Variants in ASTN2 observed in about 807,000 individuals in gnomAD.
ASTN2 encodes the protein astrotactin 2.
In ASTN2, 54 loss-of-function variants were observed where a neutral mutation model predicts 139.8. The ratio of observed to expected loss-of-function variants is 0.39; its 90% CI spans 0.31 to 0.48. ASTN2 has a LOEUF of 0.48. Ranked by LOEUF, ASTN2 falls within the 20% of genes least tolerant of loss-of-function variation. ASTN2 has a pLI of 0.95. For missense variants in ASTN2, 1,565 were observed against 1,725.1 expected (o/e 0.91, Z 1.64); for synonymous variants, 756 against 719.5 (o/e 1.05, Z -0.81).
intron 13 of ASTN2, among the ~76,000 whole-genome samples, chr9:116,742,771 T>C (rs531742918): frequency 4.6e-4 from 34 of 73,184 alleles, no homozygotes; most frequent in African/African-American, 8.4e-4. Context: ...AATTGTTATA[T>C]GTCAATTAAA....
intron 2 of ASTN2, among the ~76,000 whole-genome samples, chr9:117,225,556 T>TAC: frequency 9.7e-6 from 1 of 102,820 alleles, no homozygotes; most frequent in South Asian, 3.1e-4. Flanking sequence ...TATATATATA[T>TAC]ATATATATAT....
At chr9:116,916,847 A>C (rs929668665) in intron 10 of ASTN2, among the ~76,000 whole-genome samples, 3 of 152,064 alleles carry the variant, frequency 2.0e-5, no homozygotes, top group Non-Finnish European at 4.4e-5. Flanking sequence ...AACAAAAACA[A>C]AAACAAAAAC....
At chr9:116,816,654 A>T (rs1831336975) in intron 12 of ASTN2, among the ~76,000 whole-genome samples, 1 of 152,160 alleles carries the variant, frequency 6.6e-6, no homozygotes, top group Non-Finnish European at 1.5e-5. Context: ...TGAGGAGTTC[A>T]CAGTATGACA....
intron 14 of ASTN2, among the ~76,000 whole-genome samples, chr9:116,731,708 G>A (rs1419574208): frequency 1.3e-5 from 2 of 152,318 alleles, no homozygotes; most frequent in East Asian, 3.9e-4. Context: ...ACAGGCATGA[G>A]CCACTGCGCC....
chr9:116,785,667 T>G (rs898325015), intron 13 of ASTN2, among the ~76,000 whole-genome samples: 1 of 152,196 alleles, frequency 6.6e-6, no homozygotes, highest in Non-Finnish European at 1.5e-5. Flanking sequence ...TTCAGGGCAC[T>G]AACCTTGCCT....
At chr9:116,871,557 A>T (rs2132353602) in intron 10 of ASTN2, among the ~76,000 whole-genome samples, 1 of 152,344 alleles carries the variant, frequency 6.6e-6, no homozygotes, top group African/African-American at 2.4e-5. Context: ...AAATTAAGTT[A>T]TACATTATGT....
chr9:117,394,558 G>A (rs1259128248), intron 1 of ASTN2, among the ~76,000 whole-genome samples: 3 of 152,206 alleles, frequency 2.0e-5, no homozygotes, highest in Middle Eastern at 3.2e-3. Flanking sequence ...GGCAAAGAGG[G>A]AAAGCGGGAG....
intron 1 of ASTN2, among the ~76,000 whole-genome samples, chr9:117,407,284 A>G (rs1356082206): frequency 6.6e-6 from 1 of 152,146 alleles, no homozygotes; most frequent in Non-Finnish European, 1.5e-5. Context: ...CCTTCAGAAC[A>G]ATGGGGAAGC....
At chr9:117,006,940 C>A (rs10817973) in intron 7 of ASTN2, among the ~76,000 whole-genome samples, 75,934 of 151,758 alleles carry the variant, frequency 0.5, 21,911 homozygotes, top group East Asian at 0.72. Flanking sequence ...CATGGTGAAA[C>A]CCCCCATCTC....
At chr9:116,915,850 G>A (rs907863969) in intron 10 of ASTN2, among the ~76,000 whole-genome samples, 3 of 152,166 alleles carry the variant, frequency 2.0e-5, no homozygotes, top group Non-Finnish European at 4.4e-5. Flanking sequence ...TTTGTGACCT[G>A]TTCTGACAAA....
intron 10 of ASTN2, among the ~76,000 whole-genome samples, chr9:116,889,720 TAC>T (rs9299242): frequency 0.044 from 6,066 of 136,444 alleles, 127 homozygotes; most frequent in Middle Eastern, 0.059. Flanking sequence ...ACCTTGTCTC[TAC>T]ACACACACAC....
chr9:116,479,370 G>A (rs1318156565), intron 20 of ASTN2, among the ~76,000 whole-genome samples: 2 of 152,218 alleles, frequency 1.3e-5, no homozygotes, highest in Non-Finnish European at 2.9e-5. Flanking sequence ...ATCCATGGTG[G>A]TGGCCCTGGC....
At chr9:117,280,742 C>G (rs1436138464) in intron 2 of ASTN2, among the ~76,000 whole-genome samples, 1 of 152,024 alleles carries the variant, frequency 6.6e-6, no homozygotes. Flanking sequence ...GTCACGGCAG[C>G]CTTAGGAAGC....
intron 10 of ASTN2, among the ~76,000 whole-genome samples, chr9:116,919,157 A>C (rs1227583270): frequency 6.6e-6 from 1 of 152,214 alleles, no homozygotes; most frequent in East Asian, 1.9e-4. Context: ...ACCTAACCCC[A>C]TAGCAGTAAT....
At chr9:117,393,443 A>G (rs1017774642) in intron 1 of ASTN2, among the ~76,000 whole-genome samples, 3 of 152,198 alleles carry the variant, frequency 2.0e-5, no homozygotes, top group African/African-American at 4.8e-5. Flanking sequence ...AGAAAAAAAC[A>G]CTAAAGACAG....
intron 16 of ASTN2, among the ~76,000 whole-genome samples, chr9:116,683,876 T>C (rs993866727): frequency 4.6e-5 from 7 of 152,206 alleles, no homozygotes; most frequent in Non-Finnish European, 1.5e-5. Context: ...ATTGATTATT[T>C]TACCAAGGCT....
intron 5 of ASTN2, among the ~76,000 whole-genome samples, chr9:117,055,777 T>C (rs544430964): frequency 6.6e-6 from 1 of 152,150 alleles, no homozygotes; most frequent in South Asian, 2.1e-4. Flanking sequence ...CTGAGGGAGG[T>C]AGTTTCCAAA....
At chr9:116,555,751 C>CCA (rs1051565635) in intron 19 of ASTN2, among the ~76,000 whole-genome samples, 19 of 151,896 alleles carry the variant, frequency 1.3e-4, no homozygotes, top group Admixed American at 3.3e-4. Context: ...ACAAAAAAAA[C>CCA]CACACACACA....
At chr9:117,150,314 C>T (rs564152100) in intron 3 of ASTN2, among the ~76,000 whole-genome samples, 56 of 152,274 alleles carry the variant, frequency 3.7e-4, no homozygotes, top group South Asian at 1.2e-3. Context: ...AAAACACTTT[C>T]ACCTCCCTCA....
Sources: allele counts gnomAD v4.1 joint callset (sites outside exome capture counted in the v4.1 genomes callset), GRCh38; gene constraint gnomAD v4.1.1; transcripts MANE v1.5; gene names NCBI Gene and HGNC (gene_info 2026-07-23, HGNC 2026-07-21).